The following LINGO2 variants were observed in gnomAD, a reference collection of about 807,000 sequenced individuals.
LINGO2 encodes the protein leucine rich repeat and Ig domain containing 2, also known as leucine-rich repeat and immunoglobulin-like domain-containing nogo receptor-interacting protein 2.
In LINGO2, 14 loss-of-function variants were observed where a neutral mutation model predicts 30.6. The observed-to-expected ratio is 0.46, with a 90% confidence interval of 0.30 to 0.72. The LOEUF (loss-of-function observed/expected upper bound fraction) is 0.72, where lower values mean the gene tolerates loss of function less well. Among genes scored for constraint, LINGO2 ranks in the 30% least tolerant of loss-of-function variants. The pLI is 0.07. For synonymous variants in LINGO2, 317 were observed against 288.5 expected (o/e 1.10, Z -1.00); for missense variants, 729 against 751.7 (o/e 0.97, Z 0.35).
chr9:28,797,587 C>T, the LINGO2 span, among the ~76,000 whole-genome samples: 1 of 151,608 alleles, frequency 6.6e-6, no homozygotes, highest in Non-Finnish European at 1.5e-5. Flanking sequence ...GTTAGAATTG[C>T]CATTAATTAA....
chr9:29,118,465 C>G, the LINGO2 span, among the ~76,000 whole-genome samples: 2 of 152,144 alleles, frequency 1.3e-5, no homozygotes, highest in Admixed American at 6.5e-5. Context: ...TCATATCGCC[C>G]CCACACAACC....
chr9:28,041,206 G>C (rs1198001), intron 4 of LINGO2, among the ~76,000 whole-genome samples: 149,446 of 152,302 alleles, frequency 0.98, 73,363 homozygotes, highest in South Asian at 1. Context: ...CTCATAAACT[G>C]TTTTCTCAGA....
chr9:29,046,366 T>C, the LINGO2 span, among the ~76,000 whole-genome samples: 2 of 152,068 alleles, frequency 1.3e-5, no homozygotes, highest in African/African-American at 4.8e-5. Flanking sequence ...ATGTCTACAG[T>C]AACCAAAACA....
chr9:28,978,149 G>A, the LINGO2 span, among the ~76,000 whole-genome samples: 2 of 151,970 alleles, frequency 1.3e-5, no homozygotes, highest in Admixed American at 1.3e-4. Context: ...ATTCTCTTTG[G>A]GGAATTGGAA....
At chr9:28,487,098 A>G (rs7469495) in intron 1 of LINGO2, among the ~76,000 whole-genome samples, 136,101 of 152,070 alleles carry the variant, frequency 0.89, 61,196 homozygotes, top group East Asian at 1. Flanking sequence ...AAGAAAGCCC[A>G]TATAAAGTTA....
the LINGO2 span, among the ~76,000 whole-genome samples, chr9:28,703,756 A>G: frequency 2.0e-5 from 3 of 152,024 alleles, no homozygotes; most frequent in East Asian, 5.8e-4. Context: ...TTGTTGTCCT[A>G]GAATTTGTAG....
chr9:28,016,043 T>C (rs540490426), intron 4 of LINGO2, among the ~76,000 whole-genome samples: 3 of 147,842 alleles, frequency 2.0e-5, no homozygotes, highest in East Asian at 2.0e-4. Context: ...TAAGGAAATG[T>C]ACCTATTCTG....
At chr9:29,102,156 A>T in the LINGO2 span, among the ~76,000 whole-genome samples, 16 of 150,948 alleles carry the variant, frequency 1.1e-4, no homozygotes, top group East Asian at 2.9e-3. Context: ...ATTTTGGCTC[A>T]CTACAAGCTC....
intron 1 of LINGO2, among the ~76,000 whole-genome samples, chr9:28,639,919 T>C (rs7023186): frequency 0.092 from 13,940 of 152,134 alleles, 879 homozygotes; most frequent in Admixed American, 0.22. Context: ...CTAGCCTTGA[T>C]GGTCTTTACA....
the LINGO2 span, among the ~76,000 whole-genome samples, chr9:29,035,458 C>T: frequency 1.1e-4 from 16 of 151,692 alleles, no homozygotes; most frequent in African/African-American, 2.9e-4. Flanking sequence ...CAGACTTGGA[C>T]GGTTGAATCC....
At chr9:29,066,619 C>G in the LINGO2 span, among the ~76,000 whole-genome samples, 1 of 151,746 alleles carries the variant, frequency 6.6e-6, no homozygotes, top group Non-Finnish European at 1.5e-5. Context: ...CTATATGTAA[C>G]AAACCAAATG....
At chr9:28,720,418 G>A in the LINGO2 span, among the ~76,000 whole-genome samples, 1 of 151,986 alleles carries the variant, frequency 6.6e-6, no homozygotes, top group Admixed American at 6.6e-5. Flanking sequence ...GCACAACACT[G>A]TATTACAATC....
chr9:28,374,135 C>T (rs1047123082), intron 2 of LINGO2, among the ~76,000 whole-genome samples: 5 of 150,974 alleles, frequency 3.3e-5, no homozygotes, highest in East Asian at 2.0e-4. Flanking sequence ...GGCACCACGA[C>T]GTGAAGGCCT....
intron 4 of LINGO2, among the ~76,000 whole-genome samples, chr9:28,022,067 GT>G (rs1471636349): frequency 6.6e-6 from 1 of 151,780 alleles, no homozygotes; most frequent in Non-Finnish European, 1.5e-5. Flanking sequence ...TCTAGATTTA[GT>G]TGAATATTTA....
chr9:28,995,182 A>G, the LINGO2 span, among the ~76,000 whole-genome samples: 810 of 152,344 alleles, frequency 5.3e-3, 6 homozygotes, highest in African/African-American at 0.019. Context: ...AGAAAAAAAC[A>G]AACAACCCCA....
intron 5 of LINGO2, among the ~76,000 whole-genome samples, chr9:28,002,372 G>A (rs1409948447): frequency 2.6e-5 from 4 of 151,990 alleles, no homozygotes; most frequent in African/African-American, 9.7e-5. Flanking sequence ...TACCACAACT[G>A]AGAAAGAAGC....
At chr9:29,210,915 GGTGATGGTGACAGAACCC>G in the LINGO2 span, among the ~76,000 whole-genome samples, 1 of 151,992 alleles carries the variant, frequency 6.6e-6, no homozygotes, top group African/African-American at 2.4e-5. Flanking sequence ...CATGCTACTG[GGTGATGGTGACAGAACCC>G]TAAAGAACAT....
At chr9:28,031,560 T>C (rs755505872) in intron 4 of LINGO2, among the ~76,000 whole-genome samples, 1 of 152,210 alleles carries the variant, frequency 6.6e-6, no homozygotes, top group Non-Finnish European at 1.5e-5. Flanking sequence ...ACTTACTTGC[T>C]GTGTGACCTT....
exon 1 of LINGO2, chr9:28,670,264 A>G (rs1184963218): frequency 1.3e-5 from 2 of 152,100 alleles, no homozygotes; most frequent in African/African-American, 4.8e-5. Context: ...CAGCTTTCTG[A>G]TGGCACTCAT....
Sources: allele counts gnomAD v4.1 joint callset (sites outside exome capture counted in the v4.1 genomes callset), GRCh38; gene constraint gnomAD v4.1.1; transcripts MANE v1.5; gene names NCBI Gene and HGNC (gene_info 2026-07-23, HGNC 2026-07-21).